SMURF2: variants seen among roughly 807,000 people sequenced by gnomAD.
SMURF2 encodes E3 ubiquitin-protein ligase SMURF2.
In SMURF2, 48 loss-of-function variants were observed where a neutral mutation model predicts 109.6. The observed-to-expected ratio is 0.44, with a 90% CI of 0.35 to 0.56. SMURF2 has a LOEUF of 0.56. Ranked by LOEUF, SMURF2 falls within the 20% of genes least tolerant of loss-of-function variation. SMURF2 has a pLI of 0.01. For synonymous variants in SMURF2, 288 were observed against 317.1 expected (o/e 0.91, Z 0.97); for missense variants, 575 against 909.0 (o/e 0.63, Z 4.72).
chr17:64,624,495 G>A (rs1256016063), intron 1 of SMURF2, among the ~76,000 whole-genome samples: 3 of 143,854 alleles, frequency 2.1e-5, no homozygotes, highest in African/African-American at 7.8e-5. Flanking sequence ...CACCATGCCA[G>A]GCCTCTACAA....
intron 15 of SMURF2, 85 bp from the exon 16 acceptor site, chr17:64,551,789 C>T: frequency 2.0e-6 from 3 of 1,514,768 alleles, no homozygotes; most frequent in Non-Finnish European, 2.7e-6. Flanking sequence ...TTTAGCAACA[C>T]CGCATCTTAC....
rs1969401176 is a variant in SMURF2 at position 64,571,687 on chromosome 17, G to A, written c.1016+111C>T. On this transcript the variant is annotated intron_variant, in intron 10 of 18. Coordinates refer to ENST00000262435, the MANE Select transcript of SMURF2 (RefSeq NM_022739.4). ...TGCTGCCACGGCCTCCCAAAGCACT[G>A]GGATTAAAGGCGTGAGCCACTGTAT... The A allele has an allele frequency of 1.3e-5, 15 of 1,159,544 alleles. No individual in the cohort carries two copies. In the South Asian group the frequency reaches 2.6e-4, roughly 20 times the overall value. The allele number at this position is 1,159,544 out of a possible 1,614,324, so 71.8% of individuals were successfully genotyped here. A position where few individuals can be genotyped will look rare whatever the true frequency, so the allele number is the denominator to read the frequency against.
chr17:64,637,923 CAAAA>C (rs59701513), intron 1 of SMURF2, among the ~76,000 whole-genome samples: 69 of 72,552 alleles, frequency 9.5e-4, no homozygotes, highest in Non-Finnish European at 1.9e-3. Flanking sequence ...GCGCCCTAGT[CAAAA>C]AAAAAAAAAA....
chr17:64,616,126 G>C (rs1230468496), intron 1 of SMURF2, among the ~76,000 whole-genome samples: 2 of 151,872 alleles, frequency 1.3e-5, no homozygotes, highest in African/African-American at 4.8e-5. Context: ...CACCACACCC[G>C]GCTTAGAAAA....
intron 11 of SMURF2, among the ~76,000 whole-genome samples, chr17:64,561,913 C>T (rs1555684547): frequency 6.6e-6 from 1 of 152,096 alleles, no homozygotes; most frequent in Non-Finnish European, 1.5e-5. Flanking sequence ...GGTGGGAGGA[C>T]TGCTTGAGCC....
intron 6 of SMURF2, among the ~76,000 whole-genome samples, chr17:64,584,128 GCCAACATGGTGAAACC>G (rs752048871): frequency 4.9e-4 from 74 of 151,846 alleles, no homozygotes; most frequent in Non-Finnish European, 7.8e-4. Flanking sequence ...GACCAGGCTG[GCCAACATGGTGAAACC>G]CTGTCTCTAT....
intron 3 of SMURF2, among the ~76,000 whole-genome samples, chr17:64,596,244 T>G: frequency 6.6e-6 from 1 of 152,082 alleles, no homozygotes; most frequent in Admixed American, 6.5e-5. Flanking sequence ...GGATTACAGG[T>G]GCAAGCCACT....
At chr17:64,655,249 TGTC>T (rs373345800) in intron 1 of SMURF2, among the ~76,000 whole-genome samples, 2 of 141,872 alleles carry the variant, frequency 1.4e-5, no homozygotes, top group Admixed American at 7.2e-5. Context: ...CCCAATGAAA[TGTC>T]TTTTTTTTTT....
At chr17:64,553,031 C>T (rs1255462675) in intron 15 of SMURF2, among the ~76,000 whole-genome samples, 2 of 151,916 alleles carry the variant, frequency 1.3e-5, no homozygotes, top group East Asian at 1.9e-4. Flanking sequence ...TAAGTAGAAA[C>T]GTAATACATA....
At position 64,543,738 on chromosome 17, in the gene SMURF2, CTTT is replaced by C. The variant is rs1968908349; in HGVS notation, c.*2107_*2109del. The C allele has an allele frequency of 6.6e-6, 1 of 152,046 alleles. No homozygotes were observed. The highest frequency in any genetic ancestry group is 1.5e-5 in the Non-Finnish European group (1 of 67,996). 9.4% of individuals were successfully genotyped at this position (152,046 alleles called of 1,614,324 possible). On this transcript the variant is annotated 3_prime_UTR_variant, in exon 19 of 19. Transcript: ENST00000262435. ...TTATGATTTCTGTATTCATTATGTA[CTTT>C]TTTACTGAAAGATTTTAAAAGTAGG...
intron 1 of SMURF2, among the ~76,000 whole-genome samples, chr17:64,642,040 C>G (rs1310919971): frequency 6.6e-6 from 1 of 152,240 alleles, no homozygotes; most frequent in Non-Finnish European, 1.5e-5. Flanking sequence ...CTCCTGAGCT[C>G]AGGCAATCTG....
intron 9 of SMURF2, among the ~76,000 whole-genome samples, chr17:64,576,385 C>T (rs1969490618): frequency 6.6e-6 from 1 of 151,908 alleles, no homozygotes; most frequent in South Asian, 2.1e-4. Context: ...AAATTAGGGC[C>T]AGGCACAGTG....
intron 8 of SMURF2, 28 bp downstream of exon 8, chr17:64,580,761 T>C: frequency 1.2e-6 from 2 of 1,602,080 alleles, no homozygotes; most frequent in Non-Finnish European, 1.7e-6. Flanking sequence ...GTAAACCACA[T>C]TTTATTTTTC....
chr17:64,633,754 T>C (rs1397160625), intron 1 of SMURF2, among the ~76,000 whole-genome samples: 1 of 152,142 alleles, frequency 6.6e-6, no homozygotes, highest in Non-Finnish European at 1.5e-5. Flanking sequence ...TTCTAAACTT[T>C]AGAGGTAACT....
Position 64,554,895 on chromosome 17 carries a change from C to G in SMURF2, c.1709G>C (p.Ser570Thr). Residue 570 changes from serine (S) to threonine (T), a missense_variant, in exon 15 of 19, where the codon AGT becomes ACT. By Grantham distance (58) the Ser-to-Thr change is moderately conservative. Around this residue, in one of 5 missense-constraint regions of SMURF2, gnomAD observed 361 missense variants for 612.1 expected, o/e 0.59. Coordinates refer to ENST00000262435, the MANE Select transcript of SMURF2 (RefSeq NM_022739.4). ...TTTATTTTCTTCATTAACAGGGATA[C>G]TTTTGCCATTTGGTTTAAGTTCATG... Reference protein sequence around the residue: ...IQHELKPNGKSIPVNEENKKE... With the variant: ...IQHELKPNGKTIPVNEENKKE... The G allele has an allele frequency of 3.7e-6, 6 of 1,613,688 alleles. No individual in the cohort carries two copies. Among genetic ancestry groups the G allele is most frequent in the Non-Finnish European group, 5.1e-6 (6 of 1,179,782 alleles).
intron 5 of SMURF2, among the ~76,000 whole-genome samples, chr17:64,588,272 T>C (rs1293898787): frequency 2.6e-5 from 4 of 152,118 alleles, no homozygotes; most frequent in Admixed American, 6.5e-5. Context: ...AGCTGGGGCA[T>C]AACAGTTTTA....
In SMURF2 at chr17:64,546,035, CTG is replaced by C. The variant is rs1968949934; in HGVS notation, c.2148-90_2148-89del. 6 of 929,694 alleles carry C rather than the reference CTG, an allele frequency of 6.5e-6. No individual in the cohort carries two copies. The East Asian group carries it at 9.8e-5, about 15-fold the overall frequency. 57.6% of individuals were successfully genotyped at this position (929,694 alleles called of 1,614,324 possible). Reference sequence around the variant, plus strand: ...TGTATACCAGTATAGCCACATCACTCTGTGTCACACAGAAAACTAAAAGGTAT... The same window carrying C: ...TGTATACCAGTATAGCCACATCACTCTGTCACACAGAAAACTAAAAGGTAT... On this transcript the variant is annotated intron_variant, in intron 18 of 18. Coordinates refer to ENST00000262435, the MANE Select transcript of SMURF2 (RefSeq NM_022739.4).
rs781927037 is a variant in SMURF2 at position 64,547,615 on chromosome 17, A to G, written c.2056T>C (p.Phe686Leu). Residue 686 changes from phenylalanine (F) to leucine (L), a missense_variant, in exon 17 of 19, where the codon TTC (phenylalanine) becomes CTC (leucine). Physicochemically the swap from Phe to Leu is conservative, Grantham distance 22. This residue lies in a region of SMURF2 where 361 missense variants were observed against 612.1 expected (regional missense o/e 0.59). Transcript: ENST00000262435. This position sits in a 1 kb window ranked among gnomAD's most constrained non-coding sequence, Gnocchi z 4.2. ...AGGCTGTTACCTTGCAATGCTTTGA[A>G]GCCCTGCAGAGGCACTCGAGAGGAT... ...TGSSRVPLQGFKALQGAAGPR... is the reference protein window; with the variant it reads ...TGSSRVPLQGLKALQGAAGPR... 1 of 1,614,104 alleles carries G rather than the reference A, an allele frequency of 6.2e-7. No individual in the cohort carries two copies. The highest frequency in any genetic ancestry group is 1.1e-5 in the South Asian group (1 of 91,072).
intron 10 of SMURF2, among the ~76,000 whole-genome samples, chr17:64,567,149 T>C (rs1969326098): frequency 6.6e-6 from 1 of 152,164 alleles, no homozygotes; most frequent in Non-Finnish European, 1.5e-5. Flanking sequence ...TGAGCCACCA[T>C]GCCCAGCCTT....
Sources: gnomAD v4.1 joint callset for allele counts (sites outside exome capture counted in the v4.1 genomes callset) on GRCh38, gnomAD v4.1.1 for gene constraint, gnomAD v4.1.1 regional missense constraint, Gnocchi (gnomAD v3.1) non-coding constraint, MANE v1.5 for transcripts, NCBI Gene and HGNC (gene_info 2026-07-23, HGNC 2026-07-21) for gene names.